RFPL4A: variants seen among roughly 807,000 people sequenced by gnomAD.
RFPL4A encodes ret finger protein-like 4A.
Under a neutral mutation model 8.3 loss-of-function variants are expected in RFPL4A, and 4 were observed. The ratio of observed to expected loss-of-function variants is 0.48; its 90% CI spans 0.24 to 1.10. RFPL4A has a LOEUF of 1.10. Ranked by LOEUF, RFPL4A falls within the 50% of genes least tolerant of loss-of-function variation. The pLI, the probability that RFPL4A is intolerant of heterozygous loss-of-function variation, is 0.18. For missense variants in RFPL4A, 111 were observed against 358.7 expected, an observed-to-expected ratio of 0.31 and a Z score of 5.58; for synonymous variants, 43 against 136.6, an observed-to-expected ratio of 0.31 and a Z score of 4.78.
chr19:55,762,838 G>A lies in RFPL4A; in HGVS notation c.527G>A (p.Gly176Glu), dbSNP rs1306232852. 1.7e-5 allele frequency: 24 copies of A among 1,447,360 alleles called. 6 individuals carry two copies. The highest frequency in any genetic ancestry group is 3.7e-5 in the South Asian group (3 of 81,742). 89.7% of individuals were successfully genotyped at this position (1,447,360 alleles called of 1,614,324 possible). The change falls in exon 3 of 3, where the codon GGG becomes GAG. Residue 176 changes from glycine (G) to glutamate (E), a missense_variant. Physicochemically the swap from Gly to Glu is moderately conservative, Grantham distance 98. Transcript: ENST00000434937. ...GVCKESVNRQ[G>E]KIVLSSEHGF... ...TGCAAGGAATCTGTGAACCGACAGG[G>A]GAAGATTGTGCTTTCTTCAGAACAC...
intron 1 of RFPL4A, 131 bp downstream of exon 1, chr19:55,759,306 T>C (rs1030222905): frequency 6.6e-6 from 1 of 152,142 alleles, no homozygotes; most frequent in African/African-American, 2.4e-5. Context: ...TTCTGGAGGA[T>C]AAGGGGACCT....
At chr19:55,760,112 C>T (rs894920020) in intron 1 of RFPL4A, among the ~76,000 whole-genome samples, 1 of 151,684 alleles carries the variant, frequency 6.6e-6, no homozygotes, top group Non-Finnish European at 1.5e-5. Flanking sequence ...TTTTCAGAAA[C>T]CTCCCTACTA....
chr19:55,757,467 G>A (rs28648033), upstream of RFPL4A, among the ~76,000 whole-genome samples: 51,258 of 151,582 alleles, frequency 0.34, 9,527 homozygotes, highest in African/African-American at 0.5. Flanking sequence ...TCTGTGACAC[G>A]CCTGCAGGGA....
intron 1 of RFPL4A, among the ~76,000 whole-genome samples, chr19:55,761,054 CTTGT>C (rs1235358296): frequency 1.5e-5 from 2 of 129,842 alleles, no homozygotes; most frequent in South Asian, 2.5e-4. Flanking sequence ...TATATGGCTG[CTTGT>C]TTGTTTTTCA....
chr19:55,762,181 T>G (rs1290699483), intron 2 of RFPL4A, 95 bp downstream of exon 2: 14 of 1,291,628 alleles, frequency 1.1e-5, no homozygotes. Context: ...TAGCAGGATA[T>G]CTAGCATCTA....
intron 1 of RFPL4A, among the ~76,000 whole-genome samples, chr19:55,760,298 G>A (rs1989256230): frequency 1.3e-5 from 2 of 151,508 alleles, no homozygotes; most frequent in South Asian, 2.1e-4. Context: ...CTCTCTGGAT[G>A]CCAGAGAGAC....
Position 55,762,805 on chromosome 19 carries a change from TG to T in RFPL4A, c.497del (p.Gly166AlafsTer7). On this transcript the variant is annotated frameshift_variant, in exon 3 of 3. Coordinates refer to ENST00000434937, the MANE Select transcript of RFPL4A (RefSeq NM_001145014.2). LOFTEE classifies it low-confidence loss of function (END_TRUNC). Reference protein sequence around the residue: ...VDVGTSQVWDVGVCKESVNRQ... With the variant: ...VDVGTSQVWDXGVCKESVNRQ... Reference sequence around the variant, plus strand: ...GTGGGCACCAGCCAAGTGTGGGATGTGGGCGTGTGCAAGGAATCTGTGAACC... The same window carrying T: ...GTGGGCACCAGCCAAGTGTGGGATGTGGCGTGTGCAAGGAATCTGTGAACC... 6.6e-7 allele frequency: 1 copy of T among 1,504,358 alleles called. No homozygotes were observed. Among genetic ancestry groups the T allele is most frequent in the Non-Finnish European group, 9.0e-7 (1 of 1,106,948 alleles). 93.2% of individuals were successfully genotyped at this position (1,504,358 alleles called of 1,614,324 possible). A position where few individuals can be genotyped will look rare whatever the true frequency, so the allele number is the denominator to read the frequency against.
Position 55,762,312 on chromosome 19 carries a change from T to C in RFPL4A, c.286+226T>C, listed in dbSNP as rs189482266. Among the ~76,000 whole-genome samples the C allele has an allele frequency of 2.8e-4, 42 of 150,810 alleles. 1 individual carries two copies. The highest frequency in any genetic ancestry group is 5.5e-4 in the Non-Finnish European group (37 of 67,882). ...CTCCTGTCTTCTTTCTTGTATCATA[T>C]GTGCTAAATGGAAAGCTAATTTTCA... On this transcript the variant is annotated intron_variant, in intron 2 of 2. Coordinates refer to ENST00000434937, the MANE Select transcript of RFPL4A (RefSeq NM_001145014.2).
At chr19:55,757,813 C>T (rs1272399025), upstream of RFPL4A, among the ~76,000 whole-genome samples, 4 of 151,598 alleles carry the variant, frequency 2.6e-5, no homozygotes, top group African/African-American at 7.3e-5. Context: ...AGAGGCAAAT[C>T]AACCCACTGG....
intron 2 of RFPL4A, among the ~76,000 whole-genome samples, chr19:55,762,361 C>A (rs963856167): frequency 6.6e-6 from 1 of 150,754 alleles, no homozygotes; most frequent in Admixed American, 6.6e-5. Flanking sequence ...TAACTTATTT[C>A]GAAAGGCATT....
chr19:55,762,171 T>G, intron 2 of RFPL4A, 85 bp downstream of exon 2: 2 of 1,421,328 alleles, frequency 1.4e-6, no homozygotes, highest in Non-Finnish European at 1.9e-6. Context: ...ACATAGGCAT[T>G]AGCAGGATAT....
At chr19:55,761,182 T>G in intron 1 of RFPL4A, among the ~76,000 whole-genome samples, 1 of 140,484 alleles carries the variant, frequency 7.1e-6, no homozygotes, top group East Asian at 2.0e-4. Flanking sequence ...TATCAGGGTT[T>G]TCACCACATG....
chr19:55,760,893 C>T (rs1285036003), intron 1 of RFPL4A, among the ~76,000 whole-genome samples: 1 of 151,356 alleles, frequency 6.6e-6, no homozygotes, highest in African/African-American at 2.4e-5. Context: ...GCTTGTTCCT[C>T]AGTACTTGCT....
rs929181635 is a variant in RFPL4A, at chr19:55,760,222, C to T, written c.-10+1047C>T. On this transcript the variant is annotated intron_variant, in intron 1 of 2. Transcript: ENST00000434937. ...AACACTTGTCTTTTGTCTTTTTGAT[C>T]ATAGCCATCCTAGCAGAGAGGGGTT... Among the ~76,000 whole-genome samples, 5 of 151,562 alleles carry T rather than the reference C, an allele frequency of 3.3e-5. 1 individual carries two copies. The highest frequency in any genetic ancestry group is 1.2e-4 in the African/African-American group (5 of 41,140).
At chr19:55,757,873 G>T (rs2616954), upstream of RFPL4A, among the ~76,000 whole-genome samples, 63,101 of 142,272 alleles carry the variant, frequency 0.44, 9,574 homozygotes, top group African/African-American at 0.53. Flanking sequence ...AAAGAGAACA[G>T]AAATTTCGTT....
intron 1 of RFPL4A, among the ~76,000 whole-genome samples, chr19:55,760,253 C>G (rs527725195): frequency 6.6e-6 from 1 of 151,700 alleles, no homozygotes; most frequent in East Asian, 2.0e-4. Flanking sequence ...GGGTTAATAT[C>G]TCATCGCGGT....
rs1485253451 is a variant in RFPL4A, at chr19:55,762,233, C to T, written c.286+147C>T. 18 of 712,322 alleles carry T rather than the reference C, an allele frequency of 2.5e-5. 1 individual carries two copies. Among genetic ancestry groups the T allele is most frequent in the Admixed American group, 5.8e-5 (2 of 34,272 alleles). 44.1% of individuals were successfully genotyped at this position (712,322 alleles called of 1,614,324 possible). On this transcript the variant is annotated intron_variant, in intron 2 of 2. Coordinates refer to ENST00000434937, the MANE Select transcript of RFPL4A (RefSeq NM_001145014.2). ...CAAACAACAGCAGTTCTCACCTTTG[C>T]GTAGAGATTTTCATGGAATCTGTGC...
intron 2 of RFPL4A, 87 bp downstream of exon 2, chr19:55,762,173 G>A: frequency 7.1e-7 from 1 of 1,409,580 alleles, no homozygotes; most frequent in South Asian, 1.3e-5. Flanking sequence ...ATAGGCATTA[G>A]CAGGATATCT....
chr19:55,758,489 A>T (rs2122385705), upstream of RFPL4A, among the ~76,000 whole-genome samples: 1 of 151,880 alleles, frequency 6.6e-6, no homozygotes, highest in African/African-American at 2.4e-5. Flanking sequence ...CATTTTACTT[A>T]TGTTGTGATG....
Sources: gnomAD v4.1 joint callset for allele counts (sites outside exome capture counted in the v4.1 genomes callset) on GRCh38, gnomAD v4.1.1 for gene constraint, MANE v1.5 for transcripts, NCBI Gene and HGNC (gene_info 2026-07-23, HGNC 2026-07-21) for gene names.